The following TENM3 variants were observed in gnomAD, a reference collection of about 807,000 sequenced individuals.
The protein encoded by TENM3 is teneurin transmembrane protein 3.
Under a neutral mutation model 255.1 loss-of-function variants are expected in TENM3, and 63 were observed. The ratio of observed to expected loss-of-function variants is 0.25; its 90% CI spans 0.20 to 0.30. TENM3 has a LOEUF of 0.30. Ranked by LOEUF, TENM3 falls within the 10% of genes least tolerant of loss-of-function variation. The pLI is 1.00. For synonymous variants in TENM3, 1,306 were observed against 1,322.3 expected, an observed-to-expected ratio of 0.99 and a Z score of 0.27; for missense variants, 2,929 against 3,461.1, an observed-to-expected ratio of 0.85 and a Z score of 3.86.
At chr4:181,748,840 G>C in the TENM3 span, among the ~76,000 whole-genome samples, 2 of 152,030 alleles carry the variant, frequency 1.3e-5, no homozygotes, top group Non-Finnish European at 1.5e-5. Context: ...CCGAGGGCCA[G>C]GTGTCACTGC....
chr4:181,676,989 C>CTTT, the TENM3 span, among the ~76,000 whole-genome samples: 1,659 of 137,546 alleles, frequency 0.012, 38 homozygotes, highest in African/African-American at 0.042. Flanking sequence ...CCGATTTTAT[C>CTTT]TTTTTTTTTT....
intron 1 of TENM3, among the ~76,000 whole-genome samples, chr4:182,289,867 G>T (rs1760994893): frequency 6.6e-6 from 1 of 152,078 alleles, no homozygotes; most frequent in African/African-American, 2.4e-5. Context: ...TCAGTGTCGG[G>T]TTGCCCGCGG....
intron 15 of TENM3, 61 bp downstream of exon 15, chr4:182,730,380 G>A (rs1579268342): frequency 1.9e-6 from 3 of 1,581,846 alleles, no homozygotes; most frequent in East Asian, 4.5e-5. Context: ...AGACCTTCCT[G>A]TACCACTGTC....
the TENM3 span, among the ~76,000 whole-genome samples, chr4:181,759,723 GAT>G: frequency 1.5e-4 from 11 of 71,722 alleles, no homozygotes; most frequent in African/African-American, 4.6e-4. Flanking sequence ...GCAATCAACA[GAT>G]GTGTGTGTGT....
chr4:181,755,053 G>A, the TENM3 span, among the ~76,000 whole-genome samples: 1 of 152,170 alleles, frequency 6.6e-6, no homozygotes, highest in Non-Finnish European at 1.5e-5. Flanking sequence ...TCAGACATGA[G>A]GGTCAGCTCA....
intron 4 of TENM3, among the ~76,000 whole-genome samples, chr4:182,621,679 A>C (rs1006793533): frequency 4.2e-5 from 1 of 24,080 alleles, no homozygotes; most frequent in East Asian, 7.8e-4. Context: ...TATATATATA[A>C]AATATATAAT....
At chr4:181,769,717 C>G in the TENM3 span, among the ~76,000 whole-genome samples, 1 of 152,018 alleles carries the variant, frequency 6.6e-6, no homozygotes, top group Non-Finnish European at 1.5e-5. Context: ...TTTTTTTGCC[C>G]TATTTTTAAT....
chr4:182,031,713 CCT>C, the TENM3 span, among the ~76,000 whole-genome samples: 748 of 152,216 alleles, frequency 4.9e-3, 7 homozygotes, highest in African/African-American at 0.017. Flanking sequence ...TTGTGTGTTT[CCT>C]CTCTGATTTC....
chr4:182,770,948 C>A (rs1290629773), intron 22 of TENM3, among the ~76,000 whole-genome samples: 1 of 152,196 alleles, frequency 6.6e-6, no homozygotes, highest in African/African-American at 2.4e-5. Context: ...TTCAGAACTT[C>A]CAGGGCTAAA....
chr4:181,696,717 A>G, the TENM3 span, among the ~76,000 whole-genome samples: 1 of 152,194 alleles, frequency 6.6e-6, no homozygotes, highest in South Asian at 2.1e-4. Context: ...CTGAGTTATT[A>G]TGAGTTTCAT....
At chr4:182,646,372 G>A (rs557270313) in intron 5 of TENM3, among the ~76,000 whole-genome samples, 2 of 152,322 alleles carry the variant, frequency 1.3e-5, no homozygotes, top group South Asian at 2.1e-4. Flanking sequence ...TATTGATGAT[G>A]TGTGGCTAAT....
At chr4:181,899,935 CT>C in the TENM3 span, among the ~76,000 whole-genome samples, 1 of 151,950 alleles carries the variant, frequency 6.6e-6, no homozygotes, top group Admixed American at 6.6e-5. Flanking sequence ...TCCCACTGAC[CT>C]TTTTTCTTGA....
At chr4:182,103,855 A>G in the TENM3 span, among the ~76,000 whole-genome samples, 1 of 151,816 alleles carries the variant, frequency 6.6e-6, no homozygotes, top group Admixed American at 6.6e-5. Context: ...ATTAAAATGA[A>G]TACTGTCTTT....
chr4:182,647,495 T>C (rs1207077012), intron 5 of TENM3, among the ~76,000 whole-genome samples: 1 of 152,246 alleles, frequency 6.6e-6, no homozygotes, highest in Non-Finnish European at 1.5e-5. Flanking sequence ...TATAACTGAC[T>C]GACTTCATTT....
intron 1 of TENM3, among the ~76,000 whole-genome samples, chr4:182,232,925 G>A (rs1397942719): frequency 2.0e-5 from 3 of 152,180 alleles, no homozygotes; most frequent in Non-Finnish European, 4.4e-5. Context: ...ACACCACTCA[G>A]AGCAGCACGC....
At chr4:182,498,107 G>A (rs1453953152) in intron 3 of TENM3, among the ~76,000 whole-genome samples, 1 of 152,002 alleles carries the variant, frequency 6.6e-6, no homozygotes, top group African/African-American at 2.4e-5. Context: ...TGTGGAAGAT[G>A]GAGAGTGGTT....
intron 1 of TENM3, among the ~76,000 whole-genome samples, chr4:182,201,012 A>T (rs1434258365): frequency 1.3e-5 from 2 of 151,552 alleles, no homozygotes; most frequent in African/African-American, 4.9e-5. Context: ...TTTAGTCGAG[A>T]TGGGGTTTCA....
At chr4:182,543,125 C>T (rs866816660) in intron 3 of TENM3, among the ~76,000 whole-genome samples, 3 of 151,772 alleles carry the variant, frequency 2.0e-5, no homozygotes, top group Non-Finnish European at 2.9e-5. Flanking sequence ...AGTAATGACT[C>T]GATGGATGCA....
chr4:182,548,659 A>G (rs1741698394), intron 3 of TENM3: 1 of 152,202 alleles, frequency 6.6e-6, no homozygotes, highest in African/African-American at 2.4e-5. Flanking sequence ...ATAATGGATC[A>G]CCACTTCTCA....
Sources: gnomAD v4.1 joint callset for allele counts (sites outside exome capture counted in the v4.1 genomes callset) on GRCh38, gnomAD v4.1.1 for gene constraint, MANE v1.5 for transcripts, NCBI Gene and HGNC (gene_info 2026-07-23, HGNC 2026-07-21) for gene names.